SCLT1: variants seen among roughly 807,000 people sequenced by gnomAD.
SCLT1 encodes the protein sodium channel-associated protein 1.
A neutral mutation model predicts 112.8 loss-of-function variants in SCLT1; 78 were observed. That is an observed-to-expected ratio of 0.69 (90% CI 0.58 to 0.83). The LOEUF (loss-of-function observed/expected upper bound fraction) is 0.83, where lower values mean the gene tolerates loss of function less well. Ranked by LOEUF, SCLT1 falls within the 40% of genes least tolerant of loss-of-function variation. SCLT1 has a pLI of 0.00. For missense variants in SCLT1, 747 were observed against 770.4 expected (o/e 0.97, Z 0.36); for synonymous variants, 257 against 254.7 (o/e 1.01, Z -0.09).
At chr4:128,923,966 G>A (rs1736091164) in intron 18 of SCLT1, among the ~76,000 whole-genome samples, 1 of 151,914 alleles carries the variant, frequency 6.6e-6, no homozygotes. Flanking sequence ...GCACTGCCAT[G>A]CCTGGTTAAT....
chr4:128,972,881 C>T (rs569973951), intron 9 of SCLT1, among the ~76,000 whole-genome samples: 1 of 152,202 alleles, frequency 6.6e-6, no homozygotes, highest in African/African-American at 2.4e-5. Context: ...GGATTCCACA[C>T]TTTTTGGCAT....
intron 20 of SCLT1, among the ~76,000 whole-genome samples, chr4:128,885,871 G>T (rs1442626878): frequency 6.6e-6 from 1 of 152,166 alleles, no homozygotes; most frequent in Non-Finnish European, 1.5e-5. Context: ...TCTTATAGGT[G>T]AGGATGAACA....
chr4:129,006,306 G>A (rs184267452), intron 5 of SCLT1, among the ~76,000 whole-genome samples: 1 of 152,138 alleles, frequency 6.6e-6, no homozygotes, highest in South Asian at 2.1e-4. Context: ...TTGGTAGGCC[G>A]AAGTGGGTGG....
intron 18 of SCLT1, among the ~76,000 whole-genome samples, chr4:128,906,530 T>C (rs547470082): frequency 3.4e-4 from 52 of 152,188 alleles, no homozygotes; most frequent in Non-Finnish European, 5.4e-4. Context: ...TCAAGTGATA[T>C]AATAAATTTG....
intron 18 of SCLT1, among the ~76,000 whole-genome samples, chr4:128,896,526 G>A (rs77762149): frequency 0.011 from 1,747 of 152,204 alleles, 23 homozygotes; most frequent in African/African-American, 0.038. Context: ...CCATCTGCAC[G>A]TTATCATCAT....
At chr4:129,078,743 G>T (rs1751677243) in intron 2 of SCLT1, among the ~76,000 whole-genome samples, 1 of 152,042 alleles carries the variant, frequency 6.6e-6, no homozygotes, top group Non-Finnish European at 1.5e-5. Flanking sequence ...CTAAAAACAA[G>T]CTCTTCACTT....
intron 9 of SCLT1, among the ~76,000 whole-genome samples, chr4:128,977,233 C>T (rs1741256038): frequency 6.6e-6 from 1 of 152,192 alleles, no homozygotes; most frequent in African/African-American, 2.4e-5. Context: ...ATGCCCGACA[C>T]TGTGAATATA....
intron 5 of SCLT1, among the ~76,000 whole-genome samples, chr4:129,022,006 G>A (rs761833512): frequency 3.4e-4 from 52 of 152,322 alleles, no homozygotes; most frequent in South Asian, 2.1e-4. Context: ...ATACCCAGGC[G>A]AACAGGTCTG....
intron 18 of SCLT1, among the ~76,000 whole-genome samples, chr4:128,897,005 C>T (rs1383859743): frequency 6.6e-6 from 1 of 152,132 alleles, no homozygotes; most frequent in African/African-American, 2.4e-5. Flanking sequence ...ACAAAGCCTC[C>T]AAGAAATATG....
intron 4 of SCLT1, among the ~76,000 whole-genome samples, chr4:129,042,971 G>C (rs967851683): frequency 6.6e-6 from 1 of 152,092 alleles, no homozygotes; most frequent in African/African-American, 2.4e-5. Flanking sequence ...TACTCGGGAG[G>C]CTGAGGCAGG....
chr4:128,978,800 A>G (rs1451508774), intron 9 of SCLT1, among the ~76,000 whole-genome samples: 1 of 152,154 alleles, frequency 6.6e-6, no homozygotes, highest in Non-Finnish European at 1.5e-5. Flanking sequence ...AGAAACTAAG[A>G]TTTCAAAACA....
intron 2 of SCLT1, among the ~76,000 whole-genome samples, chr4:129,063,459 G>T (rs1320783680): frequency 1.3e-5 from 2 of 152,238 alleles, no homozygotes; most frequent in South Asian, 2.1e-4. Flanking sequence ...TTTTTTGTGG[G>T]GGTAGTGCCC....
intron 2 of SCLT1, among the ~76,000 whole-genome samples, chr4:129,077,878 C>G (rs770953268): frequency 5.3e-5 from 8 of 152,134 alleles, no homozygotes; most frequent in Non-Finnish European, 5.9e-5. Flanking sequence ...TTACATATGG[C>G]CAAGGATATG....
In SCLT1 at chr4:129,093,136, C is replaced by T. The variant is rs886350915; in HGVS notation, c.-33G>A. ...CAATTTTAGTTTAGAGCTTTCACCACCTTTACCTTCCTCTGAAAGACAGAG... is the reference window on the plus strand; with the variant it reads ...CAATTTTAGTTTAGAGCTTTCACCATCTTTACCTTCCTCTGAAAGACAGAG... On this transcript the variant is annotated 5_prime_UTR_variant, in exon 1 of 21. It adds an upstream start codon to the 5' untranslated region. Coordinates refer to ENST00000281142, the MANE Select transcript of SCLT1 (RefSeq NM_144643.4). 1.9e-6 allele frequency: 3 copies of T among 1,604,776 alleles called. No individual in the cohort carries two copies. The highest frequency in any genetic ancestry group is 2.6e-6 in the Non-Finnish European group (3 of 1,171,520).
chr4:128,912,724 C>T (rs925671072), intron 18 of SCLT1, among the ~76,000 whole-genome samples: 21 of 151,596 alleles, frequency 1.4e-4, no homozygotes, highest in African/African-American at 4.9e-4. Context: ...TCCTCCTCTT[C>T]GCCCTCCTCC....
chr4:128,970,211 G>T (rs904382022), intron 10 of SCLT1, among the ~76,000 whole-genome samples, 167 bp downstream of exon 10: 2 of 152,052 alleles, frequency 1.3e-5, no homozygotes, highest in Non-Finnish European at 2.9e-5. Context: ...TCTTTATAAA[G>T]TTGTTTTCAA....
At chr4:129,040,897 C>T (rs1747638599) in intron 4 of SCLT1, among the ~76,000 whole-genome samples, 1 of 152,098 alleles carries the variant, frequency 6.6e-6, no homozygotes, top group South Asian at 2.1e-4. Flanking sequence ...AAGACTCAGG[C>T]TTTCTAGCAT....
rs56765848 is a variant in SCLT1, at chr4:129,008,772, C to G, written c.291-4896G>C. ...GATTATTTTCAACCCAAGTATTAAG[C>G]CTAGTACTCATTATTCTTTTTCCTG... is the stretch of plus-strand genomic sequence containing the variant. On this transcript the variant is annotated intron_variant, in intron 5 of 20. Coordinates refer to ENST00000281142, the MANE Select transcript of SCLT1 (RefSeq NM_144643.4). 4.8e-3 allele frequency among the ~76,000 whole-genome samples: 732 copies of G among 152,120 alleles called. 4 individuals carry two copies. The highest frequency in any genetic ancestry group is 0.016 in the African/African-American group (665 of 41,498).
chr4:128,951,299 A>G (rs1430696085), intron 14 of SCLT1, among the ~76,000 whole-genome samples: 2 of 152,090 alleles, frequency 1.3e-5, no homozygotes, highest in Non-Finnish European at 2.9e-5. Flanking sequence ...TAATACTTCA[A>G]ACTTTTCAAT....
Sources: allele counts gnomAD v4.1 joint callset (sites outside exome capture counted in the v4.1 genomes callset), GRCh38; gene constraint gnomAD v4.1.1; transcripts MANE v1.5; gene names NCBI Gene and HGNC (gene_info 2026-07-23, HGNC 2026-07-21).